YEATS2: variants seen among roughly 807,000 people sequenced by gnomAD.
YEATS2 encodes the protein YEATS domain containing 2.
A neutral mutation model predicts 163.2 loss-of-function variants in YEATS2; 77 were observed. That is an observed-to-expected ratio of 0.47 (90% CI 0.39 to 0.57). The LOEUF (loss-of-function observed/expected upper bound fraction) is 0.57, where lower values mean the gene tolerates loss of function less well. Ranked by LOEUF, YEATS2 falls within the 20% of genes least tolerant of loss-of-function variation. The pLI is 0.00. For synonymous variants in YEATS2, 631 were observed against 645.1 expected, an observed-to-expected ratio of 0.98 and a Z score of 0.33; for missense variants, 1,549 against 1,729.8, an observed-to-expected ratio of 0.90 and a Z score of 1.85.
intron 21 of YEATS2, among the ~76,000 whole-genome samples, chr3:183,794,883 C>T (rs1724992172): frequency 6.6e-6 from 1 of 151,954 alleles, no homozygotes; most frequent in Non-Finnish European, 1.5e-5. Context: ...AAGACCCCAT[C>T]TAGGGGCTGG....
At chr3:183,708,803 G>A (rs2108990910) in intron 1 of YEATS2, among the ~76,000 whole-genome samples, 1 of 152,260 alleles carries the variant, frequency 6.6e-6, no homozygotes, top group South Asian at 2.1e-4. Flanking sequence ...TTCCAAGGTT[G>A]CAGTGAGCTA....
chr3:183,710,382 T>C (rs1021710664), intron 1 of YEATS2, among the ~76,000 whole-genome samples: 3 of 152,238 alleles, frequency 2.0e-5, no homozygotes, highest in African/African-American at 7.2e-5. Context: ...TGCCTAGTCT[T>C]AGCTAGCTAG....
intron 21 of YEATS2, among the ~76,000 whole-genome samples, chr3:183,792,055 G>A (rs1724704087): frequency 6.6e-6 from 1 of 152,140 alleles, no homozygotes; most frequent in African/African-American, 2.4e-5. Flanking sequence ...TATCATGTGT[G>A]ATCATTTTTG....
chr3:183,700,124 T>C (rs1343424293), intron 1 of YEATS2, among the ~76,000 whole-genome samples: 1 of 152,232 alleles, frequency 6.6e-6, no homozygotes, highest in African/African-American at 2.4e-5. Context: ...TCTTTTGTTA[T>C]TTCCTAATTG....
chr3:183,793,609 CT>C (rs35098553), intron 21 of YEATS2: 1,142 of 109,606 alleles, frequency 0.01, no homozygotes, highest in Middle Eastern at 0.019. Flanking sequence ...TTCTTTCTTT[CT>C]TTTTTTTTTT....
At position 183,773,852 on chromosome 3, in the gene YEATS2, T is replaced by G. The variant is rs551784726; in HGVS notation, c.2368+58T>G. ...TCTTGGTTCTCTATGTGTGTTCATC[T>G]TGTCCATCTGAGGGCAGTTCTTACC... is the stretch of plus-strand genomic sequence containing the variant. On this transcript the variant is annotated intron_variant, in intron 17 of 30. Transcript: ENST00000305135. 102 of 1,527,968 alleles carry G rather than the reference T, an allele frequency of 6.7e-5. No homozygotes were observed. The African/African-American group carries it at 1.4e-3, about 20-fold the overall frequency. 94.7% of individuals were successfully genotyped at this position (1,527,968 alleles called of 1,614,324 possible). A position where few individuals can be genotyped will look rare whatever the true frequency, so the allele number is the denominator to read the frequency against.
rs1264474903 is a variant in YEATS2, at chr3:183,806,877, T to A, written c.3796T>A (p.Ser1266Thr). The A allele has an allele frequency of 6.2e-7, 1 of 1,613,996 alleles. No homozygotes were observed. The highest frequency in any genetic ancestry group is 1.7e-5 in the Admixed American group (1 of 60,012). ...TGCCTGTCATTTAGAGTGCCCATCATCATTCTCCTCTGCTGACAACCTCTG... is the reference window on the plus strand; with the variant it reads ...TGCCTGTCATTTAGAGTGCCCATCAACATTCTCCTCTGCTGACAACCTCTG... ...QIDSEPECPS[S>T]FSSADNLCRK... The change falls in exon 28 of 31, where the codon TCA becomes ACA. Residue 1266 changes from serine (S) to threonine (T), a missense_variant. Physicochemically the swap from Ser to Thr is moderately conservative, Grantham distance 58. Coordinates refer to ENST00000305135, the MANE Select transcript of YEATS2 (RefSeq NM_018023.5).
chr3:183,810,767 A>G lies in YEATS2; in HGVS notation c.*184A>G, dbSNP rs541152222. On this transcript the variant is annotated 3_prime_UTR_variant, in exon 31 of 31. Coordinates refer to ENST00000305135, the MANE Select transcript of YEATS2 (RefSeq NM_018023.5). ...GCACTCCAGATGAAATCCTCCTAGG[A>G]CAGGAGTTTGTTTCCTGAGTGTGGA... 3.7e-4 allele frequency: 217 copies of G among 579,986 alleles called. 1 individual carries two copies. Among genetic ancestry groups the G allele is most frequent in the South Asian group, 1.9e-3 (97 of 50,596 alleles). 35.9% of individuals were successfully genotyped at this position (579,986 alleles called of 1,614,324 possible).
intron 30 of YEATS2, 150 bp downstream of exon 30, chr3:183,809,320 C>A: frequency 1.4e-6 from 1 of 734,528 alleles, no homozygotes; most frequent in Non-Finnish European, 2.3e-6. Context: ...GCTCAAGGGT[C>A]TGCTTTGTCA....
intron 19 of YEATS2, among the ~76,000 whole-genome samples, chr3:183,783,405 A>G (rs556083096): frequency 6.6e-6 from 1 of 152,142 alleles, no homozygotes; most frequent in Non-Finnish European, 1.5e-5. Context: ...TGTTTTTTAT[A>G]ATTTAAACTT....
chr3:183,712,669 C>A (rs1715393142), intron 1 of YEATS2, among the ~76,000 whole-genome samples: 1 of 152,128 alleles, frequency 6.6e-6, no homozygotes. Context: ...GGACCTGTTT[C>A]CTTATCTTAA....
rs559922318 is a variant in YEATS2 at position 183,751,506 on chromosome 3, T to C, written c.970-567T>C. Among the ~76,000 whole-genome samples, 30 of 152,352 alleles carry C rather than the reference T, an allele frequency of 2.0e-4. No homozygotes were observed. The South Asian group carries it at 2.7e-3, about 14-fold the overall frequency. On this transcript the variant is annotated intron_variant, in intron 9 of 30. Coordinates refer to ENST00000305135, the MANE Select transcript of YEATS2 (RefSeq NM_018023.5). ...GCTGTATTATATCAGAAGGTACTTA[T>C]TGAGCGCTGGTCCAGGTGCTGGGAA...
At chr3:183,801,697 C>T in intron 25 of YEATS2, 169 bp downstream of exon 25, 2 of 507,718 alleles carry the variant, frequency 3.9e-6, no homozygotes, top group Non-Finnish European at 7.0e-6. Flanking sequence ...AATTCACATC[C>T]AGTTAGTTTT....
intron 11 of YEATS2, among the ~76,000 whole-genome samples, chr3:183,755,198 C>T (rs537985315): frequency 6.6e-6 from 1 of 152,052 alleles, no homozygotes; most frequent in Non-Finnish European, 1.5e-5. Context: ...TCACTGCAGC[C>T]TCCACCTCTC....
At chr3:183,727,227 TAAAA>T (rs920140135) in intron 6 of YEATS2, among the ~76,000 whole-genome samples, 4 of 151,906 alleles carry the variant, frequency 2.6e-5, no homozygotes, top group South Asian at 4.1e-4. Context: ...TTTTAAAAAT[TAAAA>T]AAAGAGAAGG....
At chr3:183,764,475 G>A (rs547404276) in intron 15 of YEATS2, among the ~76,000 whole-genome samples, 9 of 149,848 alleles carry the variant, frequency 6.0e-5, no homozygotes, top group East Asian at 2.0e-4. Context: ...GCCCAAAATC[G>A]AAAAAGATTT....
intron 15 of YEATS2, among the ~76,000 whole-genome samples, chr3:183,765,577 A>T (rs1158196928): frequency 1.3e-5 from 2 of 152,222 alleles, no homozygotes; most frequent in Admixed American, 6.5e-5. Flanking sequence ...GGAATCCATG[A>T]TTAGCAGTTG....
Position 183,786,109 on chromosome 3 carries a change from C to T in YEATS2, c.2737-16C>T. ...CCAAGGCAACATGATTATTTCTGCC[C>T]ATCTTGTTTCTGCAGGCAGCCCATG... On this transcript the variant is annotated splice_polypyrimidine_tract_variant and intron_variant, in intron 19 of 30. Transcript: ENST00000305135. The T allele has an allele frequency of 6.2e-7, 1 of 1,606,676 alleles. No individual in the cohort carries two copies.
intron 19 of YEATS2, among the ~76,000 whole-genome samples, chr3:183,784,545 G>A (rs1271654473): frequency 3.3e-5 from 5 of 152,122 alleles, no homozygotes; most frequent in African/African-American, 9.7e-5. Context: ...CTCCCATTCT[G>A]TAGGTTGTCT....
Sources: gnomAD v4.1 joint callset for allele counts (sites outside exome capture counted in the v4.1 genomes callset) on GRCh38, gnomAD v4.1.1 for gene constraint, MANE v1.5 for transcripts, NCBI Gene and HGNC (gene_info 2026-07-23, HGNC 2026-07-21) for gene names.